ST6GAL1: variants seen among roughly 807,000 people sequenced by gnomAD.
The protein encoded by ST6GAL1 is ST6 beta-galactoside alpha-2,6-sialyltransferase 1.
ST6GAL1 carries 20 observed loss-of-function variants against 38.0 expected under a neutral mutation model. The ratio of observed to expected loss-of-function variants is 0.53; its 90% CI spans 0.37 to 0.77. The LOEUF is 0.77. Ranked by LOEUF, ST6GAL1 falls within the 30% of genes least tolerant of loss-of-function variation. The probability of loss-of-function intolerance (pLI) is 0.00; values close to 1 mark genes in which losing one functional copy is unlikely to be tolerated. For synonymous variants in ST6GAL1, 196 were observed against 188.2 expected (o/e 1.04, Z -0.34); for missense variants, 432 against 496.4 (o/e 0.87, Z 1.23).
chr3:186,982,227 C>G (rs1386712077), intron 2 of ST6GAL1, among the ~76,000 whole-genome samples: 1 of 152,202 alleles, frequency 6.6e-6, no homozygotes, highest in Non-Finnish European at 1.5e-5. Flanking sequence ...ATTGGTTACC[C>G]TGACTGGTGA....
chr3:187,045,606 C>A (rs952906890), intron 4 of ST6GAL1, among the ~76,000 whole-genome samples: 3 of 152,132 alleles, frequency 2.0e-5, no homozygotes, highest in South Asian at 2.1e-4. Flanking sequence ...TGCTGGAGAG[C>A]TAAATGCGGA....
rs371633278 is a variant in ST6GAL1 at position 186,993,632 on chromosome 3, G to GT, written c.-183+29707dup. Among the ~76,000 whole-genome samples the GT allele has an allele frequency of 1.3e-3, 192 of 151,468 alleles. 2 individuals carry two copies. Among genetic ancestry groups the GT allele is most frequent in the African/African-American group, 4.3e-3 (178 of 41,272 alleles). On this transcript the variant is annotated intron_variant, in intron 2 of 7. Transcript: ENST00000169298. The stretch of plus-strand genomic sequence containing the variant: ...TGTTTTAGAAAACTAAGAGGCCTAG[G>GT]TAAATAACTGTGCCTTAAAGCCCTT...
chr3:187,002,387 T>C (rs960893269), intron 2 of ST6GAL1, among the ~76,000 whole-genome samples: 1 of 152,346 alleles, frequency 6.6e-6, no homozygotes, highest in African/African-American at 2.4e-5. Flanking sequence ...CTTTAGGAAA[T>C]GCAAAGAAAT....
At chr3:187,028,523 T>C (rs1431581347) in intron 2 of ST6GAL1, among the ~76,000 whole-genome samples, 1 of 152,258 alleles carries the variant, frequency 6.6e-6, no homozygotes, top group Non-Finnish European at 1.5e-5. Flanking sequence ...ATTTTTAAAG[T>C]AGATTTCATC....
intron 1 of ST6GAL1, among the ~76,000 whole-genome samples, chr3:186,962,993 G>T (rs1383953912): frequency 2.0e-5 from 3 of 152,142 alleles, no homozygotes; most frequent in Non-Finnish European, 4.4e-5. Context: ...AACAGGTAGA[G>T]TATGTTATCT....
At chr3:186,995,368 T>TG (rs1292115979) in intron 2 of ST6GAL1, among the ~76,000 whole-genome samples, 1 of 150,974 alleles carries the variant, frequency 6.6e-6, no homozygotes, top group Admixed American at 6.6e-5. Flanking sequence ...TAGCTGGGTG[T>TG]GGTGGCATGT....
chr3:186,945,098 C>T (rs191169787), intron 1 of ST6GAL1, among the ~76,000 whole-genome samples: 2 of 152,154 alleles, frequency 1.3e-5, no homozygotes, highest in East Asian at 1.9e-4. Flanking sequence ...GCCTGCGGAT[C>T]GCTTGAGGCC....
At chr3:187,020,597 C>T (rs753248362) in intron 2 of ST6GAL1, among the ~76,000 whole-genome samples, 6 of 152,244 alleles carry the variant, frequency 3.9e-5, no homozygotes, top group Non-Finnish European at 8.8e-5. Flanking sequence ...CATTATCTGG[C>T]TGCCCCTGTG....
chr3:186,951,914 C>G (rs1714592542), intron 1 of ST6GAL1, among the ~76,000 whole-genome samples: 1 of 152,158 alleles, frequency 6.6e-6, no homozygotes. Flanking sequence ...ATGGATGGTG[C>G]TTTTTCACCG....
chr3:186,985,814 G>A (rs1715899984), intron 2 of ST6GAL1, among the ~76,000 whole-genome samples: 1 of 151,858 alleles, frequency 6.6e-6, no homozygotes, highest in South Asian at 2.1e-4. Context: ...AAAAAGACGA[G>A]GTCTGGAGTC....
intron 2 of ST6GAL1, among the ~76,000 whole-genome samples, chr3:187,003,169 A>AAAACCAAACC (rs148580052): frequency 1.3e-5 from 2 of 151,700 alleles, no homozygotes; most frequent in Non-Finnish European, 1.5e-5. Flanking sequence ...AAAAAACCCC[A>AAAACCAAACC]AAACCAAACC....
chr3:186,931,842 A>G (rs574513237), intron 1 of ST6GAL1, among the ~76,000 whole-genome samples: 1 of 152,350 alleles, frequency 6.6e-6, no homozygotes, highest in East Asian at 1.9e-4. Flanking sequence ...GGGGACGTAC[A>G]ATTTTCAGTT....
chr3:187,056,367 C>A (rs1399788152), intron 5 of ST6GAL1, among the ~76,000 whole-genome samples: 1 of 152,062 alleles, frequency 6.6e-6, no homozygotes, highest in Non-Finnish European at 1.5e-5. Context: ...GTTATTTTGC[C>A]CATTAGCTGA....
intron 5 of ST6GAL1, among the ~76,000 whole-genome samples, chr3:187,056,900 C>G (rs1241702140): frequency 6.6e-6 from 1 of 152,158 alleles, no homozygotes; most frequent in East Asian, 1.9e-4. Flanking sequence ...AGAGTGTTTT[C>G]CAACTTGGAT....
intron 2 of ST6GAL1, among the ~76,000 whole-genome samples, chr3:186,984,731 C>A (rs1715812410): frequency 9.6e-6 from 1 of 103,816 alleles, no homozygotes; most frequent in Non-Finnish European, 2.0e-5. Context: ...TCCTCCCTTC[C>A]TTCCTTCCTT....
intron 1 of ST6GAL1, among the ~76,000 whole-genome samples, chr3:186,946,405 A>G (rs895545522): frequency 5.3e-5 from 8 of 151,932 alleles, no homozygotes; most frequent in Non-Finnish European, 1.0e-4. Flanking sequence ...TTTTTGAGAC[A>G]GTGTCTCATT....
chr3:187,016,954 T>C (rs1717136654), intron 2 of ST6GAL1, among the ~76,000 whole-genome samples: 2 of 152,248 alleles, frequency 1.3e-5, no homozygotes, highest in Admixed American at 6.5e-5. Flanking sequence ...CCAGCAGTAC[T>C]GACTCACTTT....
intron 1 of ST6GAL1, among the ~76,000 whole-genome samples, chr3:186,944,870 G>A (rs986056501): frequency 2.6e-5 from 4 of 152,192 alleles, no homozygotes; most frequent in Non-Finnish European, 4.4e-5. Context: ...CTGGCTGTAA[G>A]TAACTCTGGG....
At chr3:186,933,150 C>T (rs867365749) in intron 1 of ST6GAL1, among the ~76,000 whole-genome samples, 3 of 152,202 alleles carry the variant, frequency 2.0e-5, no homozygotes, top group African/African-American at 7.2e-5. Flanking sequence ...TACATATACC[C>T]ACTTTTTCCT....
Sources: gnomAD v4.1 joint callset for allele counts (sites outside exome capture counted in the v4.1 genomes callset) on GRCh38, gnomAD v4.1.1 for gene constraint, MANE v1.5 for transcripts, NCBI Gene and HGNC (gene_info 2026-07-23, HGNC 2026-07-21) for gene names.